Variants in SSBP2 observed in about 807,000 individuals in gnomAD.
SSBP2 encodes the protein single stranded DNA binding protein 2, also known as single-stranded DNA-binding protein 2.
Under a neutral mutation model 61.8 loss-of-function variants are expected in SSBP2, and 17 were observed. The ratio of observed to expected loss-of-function variants is 0.28; its 90% CI spans 0.19 to 0.41. SSBP2 has a LOEUF of 0.41. Ranked by LOEUF, SSBP2 falls within the 10% of genes least tolerant of loss-of-function variation. The pLI is 1.00. For missense variants in SSBP2, 310 were observed against 458.7 expected (o/e 0.68, Z 2.96); for synonymous variants, 139 against 141.3 (o/e 0.98, Z 0.12).
At chr5:81,654,651 G>A (rs1284416502) in intron 1 of SSBP2, among the ~76,000 whole-genome samples, 2 of 152,052 alleles carry the variant, frequency 1.3e-5, no homozygotes, top group African/African-American at 2.4e-5. Flanking sequence ...ATTAGCTCCC[G>A]ACAAAAGGAC....
chr5:81,456,203 C>T (rs77310952), intron 10 of SSBP2, among the ~76,000 whole-genome samples: 1 of 152,132 alleles, frequency 6.6e-6, no homozygotes, highest in Non-Finnish European at 1.5e-5. Flanking sequence ...TTAATAGATG[C>T]ATATTTTCCT....
chr5:81,740,056 A>C (rs749554526), intron 1 of SSBP2, among the ~76,000 whole-genome samples: 4 of 152,170 alleles, frequency 2.6e-5, no homozygotes, highest in Non-Finnish European at 4.4e-5. Flanking sequence ...CTTATACTCT[A>C]ATCTTTCTGG....
chr5:81,744,916 A>G (rs1265618437), intron 1 of SSBP2, among the ~76,000 whole-genome samples: 1 of 152,152 alleles, frequency 6.6e-6, no homozygotes, highest in Non-Finnish European at 1.5e-5. Flanking sequence ...TTTAAAAAAA[A>G]GAACAAAAAA....
At chr5:81,653,823 A>C (rs1302465269) in intron 1 of SSBP2, among the ~76,000 whole-genome samples, 1 of 152,052 alleles carries the variant, frequency 6.6e-6, no homozygotes, top group Non-Finnish European at 1.5e-5. Context: ...AGTTCTTTGT[A>C]GATTCTATAT....
intron 5 of SSBP2, among the ~76,000 whole-genome samples, chr5:81,492,625 G>A (rs1430979944): frequency 6.6e-5 from 10 of 151,666 alleles, no homozygotes; most frequent in Admixed American, 6.6e-4. Context: ...ATACTTGTTT[G>A]AAGGTATCAT....
In SSBP2 at chr5:81,532,012, T is replaced by A. The variant is rs548683947; in HGVS notation, c.283-18295A>T. On this transcript the variant is annotated intron_variant, in intron 4 of 16. Transcript: ENST00000320672. ...AGAGATATGAAGTTATCAGCTGTTA[T>A]TGAGAGGAAATGGAATAGAGAGCAT... Among the ~76,000 whole-genome samples the A allele has an allele frequency of 3.3e-5, 5 of 152,192 alleles. No individual in the cohort carries two copies. In the South Asian group the frequency reaches 8.3e-4, roughly 25 times the overall value.
intron 5 of SSBP2, among the ~76,000 whole-genome samples, chr5:81,501,214 T>A (rs1281824727): frequency 4.5e-3 from 17 of 3,770 alleles, no homozygotes; most frequent in African/African-American, 0.026. Context: ...CCATCTCAAA[T>A]ATATATATAT....
chr5:81,734,242 A>G (rs4703840), intron 1 of SSBP2, among the ~76,000 whole-genome samples: 19,942 of 152,238 alleles, frequency 0.13, 1,359 homozygotes, highest in Admixed American at 0.16. Flanking sequence ...TTACATACTA[A>G]CAAAAAAACC....
At chr5:81,578,894 CCTT>C (rs1379899492) in intron 4 of SSBP2, among the ~76,000 whole-genome samples, 1 of 151,938 alleles carries the variant, frequency 6.6e-6, no homozygotes, top group Non-Finnish European at 1.5e-5. Flanking sequence ...AACAATCTAT[CCTT>C]CTCTGTTAAC....
chr5:81,538,410 C>T (rs13159526), intron 4 of SSBP2, among the ~76,000 whole-genome samples: 34,342 of 152,016 alleles, frequency 0.23, 4,977 homozygotes, highest in Middle Eastern at 0.37. Context: ...TAGAACAAAA[C>T]GGTGCACAGT....
At chr5:81,633,918 T>C (rs2153665627) in intron 3 of SSBP2, among the ~76,000 whole-genome samples, 1 of 152,384 alleles carries the variant, frequency 6.6e-6, no homozygotes, top group East Asian at 1.9e-4. Context: ...AGTGCTCCTC[T>C]ATTTCTGGAC....
chr5:81,568,783 G>A (rs746157336), intron 4 of SSBP2, among the ~76,000 whole-genome samples: 13 of 152,134 alleles, frequency 8.5e-5, no homozygotes, highest in Non-Finnish European at 1.8e-4. Flanking sequence ...TAAGTAACAA[G>A]CCAAAATTTG....
At chr5:81,660,782 GT>G (rs1561665124) in intron 1 of SSBP2, among the ~76,000 whole-genome samples, 1 of 152,050 alleles carries the variant, frequency 6.6e-6, no homozygotes, top group Non-Finnish European at 1.5e-5. Context: ...GATAGACTGG[GT>G]CAAGAAAATG....
At chr5:81,691,411 T>G (rs767558986) in intron 1 of SSBP2, among the ~76,000 whole-genome samples, 101 of 152,206 alleles carry the variant, frequency 6.6e-4, no homozygotes, top group Admixed American at 2.6e-3. Flanking sequence ...CAAAGGATTA[T>G]TAGTGGCTAC....
At chr5:81,611,780 T>A (rs2153590958) in intron 4 of SSBP2, among the ~76,000 whole-genome samples, 1 of 152,226 alleles carries the variant, frequency 6.6e-6, no homozygotes, top group Non-Finnish European at 1.5e-5. Flanking sequence ...TACAATAAAA[T>A]GAACTTTAAA....
At chr5:81,723,919 T>C (rs1238535058) in intron 1 of SSBP2, among the ~76,000 whole-genome samples, 1 of 152,044 alleles carries the variant, frequency 6.6e-6, no homozygotes, top group Non-Finnish European at 1.5e-5. Flanking sequence ...CTCTATCTTC[T>C]GTCTTTTCTA....
intron 3 of SSBP2, among the ~76,000 whole-genome samples, chr5:81,620,485 C>G (rs569240753): frequency 6.7e-6 from 1 of 150,164 alleles, no homozygotes; most frequent in Admixed American, 6.6e-5. Context: ...ACATTCCATG[C>G]TCATGGGTAG....
In SSBP2 at chr5:81,743,903, T is replaced by TG. The variant is rs1351275089; in HGVS notation, c.62+7077dup. ...AGCCGATCCTGAACCCTGATGTTCT[T>TG]GACTCAATGAATGAACTCTTACACT... On this transcript the variant is annotated intron_variant, in intron 1 of 16. Transcript: ENST00000320672. Among the ~76,000 whole-genome samples the TG allele has an allele frequency of 2.0e-5, 3 of 152,216 alleles. No homozygotes were observed. The East Asian group carries it at 5.8e-4, about 29-fold the overall frequency.
At chr5:81,511,283 T>G (rs1768585332) in intron 5 of SSBP2, among the ~76,000 whole-genome samples, 1 of 152,312 alleles carries the variant, frequency 6.6e-6, no homozygotes, top group African/African-American at 2.4e-5. Flanking sequence ...TGTAATGGCC[T>G]CTTCTCTCAT....
Sources: allele counts gnomAD v4.1 joint callset (sites outside exome capture counted in the v4.1 genomes callset), GRCh38; gene constraint gnomAD v4.1.1; transcripts MANE v1.5; gene names NCBI Gene and HGNC (gene_info 2026-07-23, HGNC 2026-07-21).